Variants in PDE1C observed in about 807,000 individuals in gnomAD.
PDE1C encodes the protein phosphodiesterase 1C, also known as dual specificity calcium/calmodulin-dependent 3',5'-cyclic nucleotide phosphodiesterase 1C.
In PDE1C, 62 loss-of-function variants were observed where a neutral mutation model predicts 93.1. The ratio of observed to expected loss-of-function variants is 0.67; its 90% CI spans 0.54 to 0.82. The LOEUF (loss-of-function observed/expected upper bound fraction) is 0.82, where lower values mean the gene tolerates loss of function less well. Among genes scored for constraint, PDE1C ranks in the 40% least tolerant of loss-of-function variants. The pLI is 0.00. For synonymous variants in PDE1C, 325 were observed against 310.1 expected, an observed-to-expected ratio of 1.05 and a Z score of -0.50; for missense variants, 742 against 884.6, an observed-to-expected ratio of 0.84 and a Z score of 2.04.
chr7:32,251,672 T>A (rs1809390960), intron 1 of PDE1C, among the ~76,000 whole-genome samples: 1 of 152,176 alleles, frequency 6.6e-6, no homozygotes, highest in African/African-American at 2.4e-5. Context: ...CAGAGGAGAA[T>A]AATACACACA....
At chr7:31,957,006 T>G (rs897229689) in intron 2 of PDE1C, among the ~76,000 whole-genome samples, 3 of 151,646 alleles carry the variant, frequency 2.0e-5, no homozygotes, top group African/African-American at 4.9e-5. Flanking sequence ...TCTAAACATA[T>G]GCAAACACCA....
chr7:32,387,634 T>TC (rs1462469708), intron 1 of PDE1C, among the ~76,000 whole-genome samples: 64 of 95,756 alleles, frequency 6.7e-4, no homozygotes, highest in African/African-American at 2.2e-3. Flanking sequence ...GGGGGGCTGA[T>TC]CCCCCCACCT....
chr7:31,802,625 G>C (rs1384464254), intron 16 of PDE1C, among the ~76,000 whole-genome samples: 1 of 151,476 alleles, frequency 6.6e-6, no homozygotes, highest in Non-Finnish European at 1.5e-5. Flanking sequence ...TTAAGTTTTT[G>C]TATGTCTGAT....
At chr7:32,240,665 TGA>T (rs1189852589) in intron 1 of PDE1C, among the ~76,000 whole-genome samples, 6 of 152,006 alleles carry the variant, frequency 3.9e-5, no homozygotes, top group Admixed American at 3.3e-4. Flanking sequence ...TGGAGCTGAA[TGA>T]GAGAGCTAGG....
the PDE1C span, among the ~76,000 whole-genome samples, chr7:31,683,287 C>T: frequency 6.6e-6 from 1 of 152,150 alleles, no homozygotes; most frequent in Non-Finnish European, 1.5e-5. Flanking sequence ...CTTACAACTA[C>T]ATGTGAACTA....
At chr7:31,799,236 G>A (rs1584144055) in intron 16 of PDE1C, among the ~76,000 whole-genome samples, 1 of 151,646 alleles carries the variant, frequency 6.6e-6, no homozygotes, top group Non-Finnish European at 1.5e-5. Context: ...ACAGCCTGCT[G>A]TTTGACTCTT....
chr7:32,159,268 G>A (rs542243457), intron 3 of PDE1C, among the ~76,000 whole-genome samples: 1 of 152,182 alleles, frequency 6.6e-6, no homozygotes, highest in Admixed American at 6.5e-5. Flanking sequence ...AGAAGGAAAA[G>A]GATCATTTTC....
rs371828997 is a variant in PDE1C, at chr7:32,045,093, G to A, written c.128+6461C>T. On this transcript the variant is annotated intron_variant, in intron 2 of 17. Transcript: ENST00000396191. ...TCCCTTCCCCCCACCGACTCCTGCT[G>A]ATACATTAGCAAGGGTAAGTGAGTG... 1.2e-4 allele frequency among the ~76,000 whole-genome samples: 13 copies of A among 105,076 alleles called. 3 individuals are homozygous for A. Among genetic ancestry groups the A allele is most frequent in the Admixed American group, 1.4e-4 (1 of 7,384 alleles). The allele number at this position is 105,076 out of a possible 152,430, so 68.9% of individuals were successfully genotyped here. A position where few individuals can be genotyped will look rare whatever the true frequency, so the allele number is the denominator to read the frequency against.
At chr7:31,638,155 A>G in the PDE1C span, among the ~76,000 whole-genome samples, 1 of 152,220 alleles carries the variant, frequency 6.6e-6, no homozygotes, top group Non-Finnish European at 1.5e-5. Flanking sequence ...AAGAATCATC[A>G]TGAATTTTGT....
intron 16 of PDE1C, among the ~76,000 whole-genome samples, chr7:31,794,226 A>T (rs1453916998): frequency 1.3e-5 from 2 of 151,950 alleles, no homozygotes; most frequent in African/African-American, 4.8e-5. Flanking sequence ...TACCCATTTG[A>T]TCCAAACACA....
At chr7:31,785,818 G>A (rs1783866671) in intron 16 of PDE1C, 1 of 152,178 alleles carries the variant, frequency 6.6e-6, no homozygotes. Flanking sequence ...TTTGGTGAGA[G>A]AGAGGAAACC....
At chr7:31,976,673 T>G (rs142628641) in intron 2 of PDE1C, among the ~76,000 whole-genome samples, 1 of 152,190 alleles carries the variant, frequency 6.6e-6, no homozygotes, top group Non-Finnish European at 1.5e-5. Flanking sequence ...GTCTCTCATA[T>G]GGACAATTCC....
chr7:32,286,926 A>C (rs2128895195), intron 1 of PDE1C, among the ~76,000 whole-genome samples: 1 of 152,302 alleles, frequency 6.6e-6, no homozygotes, highest in South Asian at 2.1e-4. Context: ...TAATTAGGAA[A>C]ATTAAGACAG....
At chr7:31,791,709 A>G (rs1784615798) in intron 16 of PDE1C, among the ~76,000 whole-genome samples, 1 of 152,080 alleles carries the variant, frequency 6.6e-6, no homozygotes, top group South Asian at 2.1e-4. Context: ...AGAGACAGAT[A>G]GCTGGGGACA....
intron 1 of PDE1C, among the ~76,000 whole-genome samples, chr7:32,280,985 T>TA (rs1674741657): frequency 1.3e-5 from 2 of 152,040 alleles, no homozygotes; most frequent in South Asian, 2.1e-4. Context: ...ACTTTTTCTC[T>TA]AAAAAAATTT....
chr7:32,108,285 CAACAGA>C (rs1447495596), intron 3 of PDE1C, among the ~76,000 whole-genome samples: 1 of 109,160 alleles, frequency 9.2e-6, no homozygotes, highest in African/African-American at 3.6e-5. Flanking sequence ...ACAACAAAAA[CAACAGA>C]AACTATCACA....
the PDE1C span, among the ~76,000 whole-genome samples, chr7:31,701,896 C>T: frequency 1.3e-5 from 2 of 152,160 alleles, no homozygotes; most frequent in African/African-American, 4.8e-5. Context: ...ATAGTGTAAG[C>T]CTAACTTTTA....
chr7:31,899,015 C>T (rs1271336242), intron 2 of PDE1C, among the ~76,000 whole-genome samples: 1 of 152,024 alleles, frequency 6.6e-6, no homozygotes, highest in African/African-American at 2.4e-5. Flanking sequence ...GTTACCTGCT[C>T]CCCTCCCTGC....
the PDE1C span, among the ~76,000 whole-genome samples, chr7:31,730,242 CAG>C: frequency 1.3e-5 from 2 of 152,158 alleles, no homozygotes; most frequent in African/African-American, 2.4e-5. Context: ...CTACACAGCA[CAG>C]ACACACACAC....
Sources: gnomAD v4.1 joint callset for allele counts (sites outside exome capture counted in the v4.1 genomes callset) on GRCh38, gnomAD v4.1.1 for gene constraint, MANE v1.5 for transcripts, NCBI Gene and HGNC (gene_info 2026-07-23, HGNC 2026-07-21) for gene names.